The following RBFOX1 variants were observed in gnomAD, a reference collection of about 807,000 sequenced individuals.
RBFOX1 encodes the protein RNA binding protein fox-1 homolog 1.
A neutral mutation model predicts 57.7 loss-of-function variants in RBFOX1; 8 were observed. The observed-to-expected ratio is 0.14, with a 90% CI of 0.08 to 0.25. RBFOX1 has a LOEUF of 0.25. Among genes scored for constraint, RBFOX1 ranks in the 10% least tolerant of loss-of-function variants. The probability of loss-of-function intolerance (pLI) is 1.00; values close to 1 mark genes in which losing one functional copy is unlikely to be tolerated. For missense variants in RBFOX1, 611 were observed against 548.5 expected (o/e 1.11, Z -1.14); for synonymous variants, 326 against 222.4 (o/e 1.47, Z -4.15).
chr16:6,009,394 G>A (rs996513343), intron 4 of RBFOX1, among the ~76,000 whole-genome samples: 1 of 152,162 alleles, frequency 6.6e-6, no homozygotes, highest in Non-Finnish European at 1.5e-5. Flanking sequence ...GCCAGTCTGG[G>A]ACAAGAATTT....
intron 4 of RBFOX1, among the ~76,000 whole-genome samples, chr16:7,156,275 T>A (rs952662663): frequency 6.6e-6 from 1 of 151,782 alleles, no homozygotes; most frequent in Admixed American, 6.6e-5. Flanking sequence ...TACATGTACA[T>A]GTACATATAC....
At chr16:6,716,821 G>A (rs2064923145) in intron 3 of RBFOX1, among the ~76,000 whole-genome samples, 2 of 152,092 alleles carry the variant, frequency 1.3e-5, no homozygotes, top group South Asian at 4.1e-4. Flanking sequence ...GACAGCTGAT[G>A]GCCGTGTTGA....
intron 1 of RBFOX1, among the ~76,000 whole-genome samples, chr16:6,143,016 C>T (rs547586548): frequency 3.9e-5 from 6 of 152,210 alleles, no homozygotes; most frequent in South Asian, 2.1e-4. Flanking sequence ...TTTTTCAGCT[C>T]GGCTCTTGGT....
intron 3 of RBFOX1, among the ~76,000 whole-genome samples, chr16:6,877,932 C>G: frequency 6.6e-6 from 1 of 152,114 alleles, no homozygotes; most frequent in East Asian, 1.9e-4. Context: ...GCAAAACATA[C>G]ACAGAGTCTT....
At chr16:6,342,105 G>A (rs1389298801) in intron 2 of RBFOX1, among the ~76,000 whole-genome samples, 1 of 152,166 alleles carries the variant, frequency 6.6e-6, no homozygotes, top group Non-Finnish European at 1.5e-5. Flanking sequence ...AATTCAAACA[G>A]GAATTGGCAA....
Position 6,480,051 on chromosome 16 carries a change from A to G in RBFOX1, c.-64+162994A>G, listed in dbSNP as rs760272675. ...GGAGACAGAGCAAGACTCCACCTCG[A>G]AAAAAAAAAAAAAAAAATCACTGGT... On this transcript the variant is annotated intron_variant, in intron 2 of 15. Coordinates refer to ENST00000550418, the MANE Select transcript of RBFOX1 (RefSeq NM_018723.4). Among the ~76,000 whole-genome samples, 14 of 36,158 alleles carry G rather than the reference A, an allele frequency of 3.9e-4. No individual in the cohort carries two copies. The South Asian group carries it at 0.016, about 40-fold the overall frequency. 23.7% of individuals were successfully genotyped at this position (36,158 alleles called of 152,430 possible). A position where few individuals can be genotyped will look rare whatever the true frequency, so the allele number is the denominator to read the frequency against.
chr16:6,747,425 TATCA>T (rs766083753), intron 3 of RBFOX1, among the ~76,000 whole-genome samples: 2 of 145,144 alleles, frequency 1.4e-5, no homozygotes, highest in African/African-American at 5.2e-5. Context: ...AAAAAAAATC[TATCA>T]GTCAGTCAGT....
intron 4 of RBFOX1, among the ~76,000 whole-genome samples, chr16:7,053,775 T>G (rs74008581): frequency 0.012 from 1,808 of 152,248 alleles, 29 homozygotes; most frequent in African/African-American, 0.041. Flanking sequence ...GTTCATTTAG[T>G]TTAGTCCCAA....
chr16:6,742,965 T>C (rs990008665), intron 3 of RBFOX1, among the ~76,000 whole-genome samples: 3 of 152,176 alleles, frequency 2.0e-5, no homozygotes, highest in African/African-American at 7.2e-5. Context: ...AAACACACTT[T>C]ATCAATGTCA....
intron 1 of RBFOX1, among the ~76,000 whole-genome samples, chr16:5,251,521 G>C (rs548794694): frequency 6.6e-6 from 1 of 152,354 alleles, no homozygotes; most frequent in East Asian, 1.9e-4. Context: ...GAGTGGCAGG[G>C]TCAGAGACTG....
At chr16:5,382,681 C>T (rs771794975) in intron 1 of RBFOX1, among the ~76,000 whole-genome samples, 1 of 152,172 alleles carries the variant, frequency 6.6e-6, no homozygotes, top group Admixed American at 6.5e-5. Flanking sequence ...TTGTGCTGAC[C>T]TCATTTAATT....
intron 3 of RBFOX1, among the ~76,000 whole-genome samples, chr16:6,749,409 C>G (rs1016919892): frequency 6.6e-6 from 1 of 152,160 alleles, no homozygotes; most frequent in Admixed American, 6.5e-5. Flanking sequence ...ATGAGATGGA[C>G]CCTGGTTCTT....
chr16:7,496,501 T>G (rs1328708811), intron 4 of RBFOX1, among the ~76,000 whole-genome samples: 1 of 152,142 alleles, frequency 6.6e-6, no homozygotes, highest in Non-Finnish European at 1.5e-5. Context: ...CTTATGGGGA[T>G]GTAATGAGGT....
At chr16:7,000,169 GAAAA>G (rs1019312934) in intron 3 of RBFOX1, among the ~76,000 whole-genome samples, 1 of 150,596 alleles carries the variant, frequency 6.6e-6, no homozygotes, top group Non-Finnish European at 1.5e-5. Flanking sequence ...AATTCTTAAG[GAAAA>G]AAAAAGTACT....
intron 3 of RBFOX1, among the ~76,000 whole-genome samples, chr16:6,686,820 C>A (rs1568214248): frequency 6.6e-6 from 1 of 152,166 alleles, no homozygotes; most frequent in Non-Finnish European, 1.5e-5. Flanking sequence ...GATTGCACGT[C>A]CTTTTTAAAC....
chr16:5,515,971 C>G (rs1030897147), intron 2 of RBFOX1, among the ~76,000 whole-genome samples: 1 of 152,200 alleles, frequency 6.6e-6, no homozygotes, highest in Non-Finnish European at 1.5e-5. Context: ...GCCACCAAAT[C>G]AGAGAGCACC....
In RBFOX1 at chr16:5,615,314, A is replaced by T. The variant is rs144548888; in HGVS notation, c.318+16353A>T. Among the ~76,000 whole-genome samples, 853 of 152,266 alleles carry T rather than the reference A, an allele frequency of 5.6e-3. 8 individuals carry two copies. The highest frequency in any genetic ancestry group is 0.019 in the African/African-American group (789 of 41,548). The stretch of plus-strand genomic sequence containing the variant: ...CCAAAGCACTGGGATTACAGAAAGG[A>T]GCCACTGCACCCAGCAGCTGAGTTT... On this transcript the variant is annotated intron_variant, in intron 3 of 19. Transcript: ENST00000641259.
At chr16:5,700,585 T>G (rs979666529) in intron 3 of RBFOX1, among the ~76,000 whole-genome samples, 1 of 152,232 alleles carries the variant, frequency 6.6e-6, no homozygotes, top group Non-Finnish European at 1.5e-5. Flanking sequence ...GACATTTCAT[T>G]GATCCTGGTT....
chr16:6,541,496 CAG>C (rs2096818606), intron 2 of RBFOX1, among the ~76,000 whole-genome samples: 1 of 152,170 alleles, frequency 6.6e-6, no homozygotes, highest in Non-Finnish European at 1.5e-5. Flanking sequence ...AAGATGACAA[CAG>C]TGTCACATCA....
Sources: gnomAD v4.1 joint callset for allele counts (sites outside exome capture counted in the v4.1 genomes callset) on GRCh38, gnomAD v4.1.1 for gene constraint, MANE v1.5 for transcripts, NCBI Gene and HGNC (gene_info 2026-07-23, HGNC 2026-07-21) for gene names.